Variants in DPYD observed in about 807,000 individuals in gnomAD.
The protein encoded by DPYD is dihydropyrimidine dehydrogenase [NADP(+)].
A neutral mutation model predicts 116.2 loss-of-function variants in DPYD; 109 were observed. The observed-to-expected ratio is 0.94, with a 90% CI of 0.80 to 1.10. The LOEUF (loss-of-function observed/expected upper bound fraction) is 1.10, where lower values mean the gene tolerates loss of function less well. Among genes scored for constraint, DPYD ranks in the 50% least tolerant of loss-of-function variants. The pLI, the probability that DPYD is intolerant of heterozygous loss-of-function variation, is 0.00. For synonymous variants in DPYD, 440 were observed against 432.0 expected, an observed-to-expected ratio of 1.02 and a Z score of -0.23; for missense variants, 1,302 against 1,254.5, an observed-to-expected ratio of 1.04 and a Z score of -0.57.
intron 10 of DPYD, among the ~76,000 whole-genome samples, chr1:97,582,991 T>C (rs1053296103): frequency 6.4e-4 from 98 of 152,244 alleles, no homozygotes; most frequent in African/African-American, 2.3e-3. Flanking sequence ...TTTTTTGAGA[T>C]GGAGTCTGAC....
intron 5 of DPYD, among the ~76,000 whole-genome samples, chr1:97,713,785 T>C (rs1395393029): frequency 6.6e-6 from 1 of 152,088 alleles, no homozygotes; most frequent in Non-Finnish European, 1.5e-5. Context: ...ACCTTTGTGT[T>C]TGAGGGTTGG....
intron 19 of DPYD, among the ~76,000 whole-genome samples, chr1:97,206,687 T>TATATATATATATATATATATAA (rs539927395): frequency 1.4e-5 from 1 of 71,582 alleles, no homozygotes; most frequent in African/African-American, 4.2e-5. Context: ...TATATATATA[T>TATATATATATATATATATATAA]AATCTATATG....
At chr1:97,866,497 CA>C (rs2101605622) in intron 2 of DPYD, among the ~76,000 whole-genome samples, 1 of 151,970 alleles carries the variant, frequency 6.6e-6, no homozygotes, top group South Asian at 2.1e-4. Context: ...ATCTTTGTTT[CA>C]TTCATTTAAG....
At chr1:97,198,920 C>G (rs912401667) in intron 19 of DPYD, among the ~76,000 whole-genome samples, 9 of 152,096 alleles carry the variant, frequency 5.9e-5, no homozygotes, top group African/African-American at 2.2e-4. Flanking sequence ...CCCCGTGCAG[C>G]GTGATTTGAC....
intron 18 of DPYD, among the ~76,000 whole-genome samples, chr1:97,241,585 G>A (rs576483687): frequency 6.6e-6 from 1 of 151,904 alleles, no homozygotes; most frequent in Non-Finnish European, 1.5e-5. Flanking sequence ...ACCATCTCTG[G>A]ATTATTTTTG....
intron 2 of DPYD, among the ~76,000 whole-genome samples, chr1:97,858,639 G>T (rs557929011): frequency 1.3e-5 from 2 of 151,976 alleles, no homozygotes; most frequent in South Asian, 4.2e-4. Context: ...GTATACCAAA[G>T]ACTAAATTTA....
At chr1:97,524,833 C>T (rs1367365700) in intron 12 of DPYD, among the ~76,000 whole-genome samples, 1 of 152,136 alleles carries the variant, frequency 6.6e-6, no homozygotes, top group African/African-American at 2.4e-5. Context: ...TTGTTGCAAT[C>T]AGTTGGATAT....
intron 14 of DPYD, among the ~76,000 whole-genome samples, chr1:97,410,597 G>A (rs912452560): frequency 1.3e-5 from 2 of 151,994 alleles, no homozygotes; most frequent in South Asian, 4.2e-4. Flanking sequence ...ATATGCCATC[G>A]GAAAGGGTAA....
intron 10 of DPYD, 46 bp downstream of exon 10, chr1:97,593,172 A>G (rs1456613675): frequency 1.4e-5 from 22 of 1,601,684 alleles, no homozygotes; most frequent in Non-Finnish European, 1.8e-5. Context: ...CATCTCCTAA[A>G]ATCTGTTGGA....
At chr1:97,777,048 G>A (rs1666447200) in intron 3 of DPYD, among the ~76,000 whole-genome samples, 1 of 152,086 alleles carries the variant, frequency 6.6e-6, no homozygotes, top group Admixed American at 6.5e-5. Context: ...AATACTATAG[G>A]AAGTGTGGAT....
intron 18 of DPYD, among the ~76,000 whole-genome samples, chr1:97,284,724 T>A (rs1293084842): frequency 2.6e-5 from 4 of 152,140 alleles, no homozygotes; most frequent in African/African-American, 9.7e-5. Context: ...CATTGTCACC[T>A]TCTCTTTCAT....
At chr1:97,699,869 G>A (rs1025748911) in intron 5 of DPYD, among the ~76,000 whole-genome samples, 1 of 151,794 alleles carries the variant, frequency 6.6e-6, no homozygotes, top group African/African-American at 2.4e-5. Flanking sequence ...AACCATCTGT[G>A]GTATGTGTTA....
At chr1:97,712,650 C>T (rs577496213) in intron 5 of DPYD, among the ~76,000 whole-genome samples, 2 of 152,106 alleles carry the variant, frequency 1.3e-5, no homozygotes, top group East Asian at 3.9e-4. Flanking sequence ...GGCTTTGTAT[C>T]AGGTGTGTGT....
intron 11 of DPYD, among the ~76,000 whole-genome samples, chr1:97,562,950 C>A (rs1557801111): frequency 6.6e-6 from 1 of 152,058 alleles, no homozygotes; most frequent in Non-Finnish European, 1.5e-5. Context: ...AACTCCTGAC[C>A]TCAAGTGATC....
chr1:97,721,395 T>C (rs1237518554), intron 5 of DPYD, 115 bp downstream of exon 5: 5 of 1,252,062 alleles, frequency 4.0e-6, no homozygotes, highest in Non-Finnish European at 5.7e-6. Flanking sequence ...ATACTTGAGC[T>C]GTGTGTCACA....
chr1:97,256,693 C>G (rs186073530), intron 18 of DPYD, among the ~76,000 whole-genome samples: 3 of 152,046 alleles, frequency 2.0e-5, no homozygotes, highest in South Asian at 2.1e-4. Context: ...TGAGAACAGA[C>G]TAATACACTT....
At chr1:97,857,826 G>C (rs1199226460) in intron 2 of DPYD, among the ~76,000 whole-genome samples, 1 of 152,050 alleles carries the variant, frequency 6.6e-6, no homozygotes, top group Admixed American at 6.6e-5. Context: ...TGATACTAGT[G>C]TCTGAAAGGG....
intron 2 of DPYD, among the ~76,000 whole-genome samples, chr1:97,881,730 C>T (rs964062250): frequency 4.0e-5 from 6 of 151,752 alleles, no homozygotes; most frequent in Non-Finnish European, 7.4e-5. Context: ...CTTATAAATG[C>T]GAGACATTAG....
chr1:97,181,779 T>C (rs982895105), intron 20 of DPYD, among the ~76,000 whole-genome samples: 5 of 152,144 alleles, frequency 3.3e-5, no homozygotes, highest in African/African-American at 1.2e-4. Flanking sequence ...TTATCCCAAA[T>C]TGCCTATCTA....
Sources: gnomAD v4.1 joint callset for allele counts (sites outside exome capture counted in the v4.1 genomes callset) on GRCh38, gnomAD v4.1.1 for gene constraint, MANE v1.5 for transcripts, NCBI Gene and HGNC (gene_info 2026-07-23, HGNC 2026-07-21) for gene names.